The following ACHE variants were observed in gnomAD, a reference collection of about 807,000 sequenced individuals.
The protein encoded by ACHE is acetylcholinesterase.
In ACHE, 19 loss-of-function variants were observed where a neutral mutation model predicts 53.9. The ratio of observed to expected loss-of-function variants is 0.35; its 90% CI spans 0.25 to 0.52. The LOEUF (loss-of-function observed/expected upper bound fraction) is 0.52. Ranked by LOEUF, ACHE falls within the 20% of genes least tolerant of loss-of-function variation. ACHE has a pLI of 0.95. For synonymous variants in ACHE, 392 were observed against 378.1 expected, an observed-to-expected ratio of 1.04 and a Z score of -0.43; for missense variants, 605 against 849.4, an observed-to-expected ratio of 0.71 and a Z score of 3.58.
At chr7:100,893,055 G>A in intron 2 of ACHE, 110 bp downstream of exon 2, 4 of 1,325,456 alleles carry the variant, frequency 3.0e-6, no homozygotes, top group Non-Finnish European at 4.2e-6. Flanking sequence ...GGACTTCTGG[G>A]ACTTCTGGGA....
chr7:100,890,452 T>G, intron 4 of ACHE, 117 bp from the exon 5 acceptor site: 1 of 1,475,530 alleles, frequency 6.8e-7, no homozygotes, highest in Non-Finnish European at 9.0e-7. Flanking sequence ...CACGGAGAAA[T>G]GCAGGCGACC....
At position 100,892,730 on chromosome 7, in the gene ACHE, C is replaced by T. The variant is rs775874742; in HGVS notation, c.1157G>A (p.Ser386Asn). ...CACCCCGGCCAGGAACTCGGCCCGGCTGATGAGAGACTCGTTGTCTTTGCT... is the reference window on the plus strand; with the variant it reads ...CACCCCGGCCAGGAACTCGGCCCGGTTGATGAGAGACTCGTTGTCTTTGCT... ...GFSKDNESLI[S>N]RAEFLAGVRV... The change falls in exon 3 of 5, where the codon AGC becomes AAC. Residue 386 changes from serine (S) to asparagine (N), a missense_variant. Ser to Asn is a conservative substitution (Grantham distance 46, BLOSUM62 1). This residue lies in a region of ACHE where 397 missense variants were observed against 632.5 expected (regional missense o/e 0.63). Coordinates refer to ENST00000241069, the MANE Select transcript of ACHE (RefSeq NM_000665.5). This position sits in a 1 kb window ranked among gnomAD's most constrained non-coding sequence, Gnocchi z 5.2. 1.2e-5 allele frequency: 20 copies of T among 1,613,408 alleles called. No individual in the cohort carries two copies. In the East Asian group the frequency reaches 4.5e-4, roughly 36 times the overall value.
rs1166958589 is a variant in ACHE, at chr7:100,890,195, C to A, written c.*19G>T. On this transcript the variant is annotated 3_prime_UTR_variant, in exon 5 of 5. Transcript: ENST00000241069. ...CTAGGGGGCCGGGCGGAGCGGAGGA[C>A]ATGGGGGTCCCGCCGGGGTCACAGG... The A allele has an allele frequency of 6.2e-7, 1 of 1,613,416 alleles. No homozygotes were observed. The highest frequency in any genetic ancestry group is 8.5e-7 in the Non-Finnish European group (1 of 1,179,548).
chr7:100,891,287 C>G lies in ACHE; in HGVS notation c.1605G>C (p.Thr535=). The G allele has an allele frequency of 6.2e-7, 1 of 1,604,118 alleles. No homozygotes were observed. Reference sequence around the variant, plus strand: ...GACTAACGTACTGCTGAGCCCCCGCCGTGTACGGGGGCCATTGTGGGGCCT... The same window carrying G: ...GACTAACGTACTGCTGAGCCCCCGCGGTGTACGGGGGCCATTGTGGGGCCT... ...DPKAPQWPPY[T]AGAQQYVSLD... is the part of the protein sequence containing the mutation. Residue 535 remains threonine (T), a synonymous_variant, in exon 4 of 5, where the codon ACG becomes ACC. Coordinates refer to ENST00000241069, the MANE Select transcript of ACHE (RefSeq NM_000665.5).
chr7:100,890,217 C>T lies in ACHE; in HGVS notation c.1842G>A (p.Leu614=). ...GGACATGGGGGTCCCGCCGGGGTCA[C>T]AGGTCTGAGCAGCGATCCTGCTTGC... ...HYSKQDRCSD[L] The change falls in exon 5 of 5, where the codon CTG becomes CTA. Residue 614 remains leucine, a synonymous_variant. Coordinates refer to ENST00000241069, the MANE Select transcript of ACHE (RefSeq NM_000665.5). The T allele has an allele frequency of 6.2e-7, 1 of 1,613,776 alleles. No homozygotes were observed. The highest frequency in any genetic ancestry group is 8.5e-7 in the Non-Finnish European group (1 of 1,179,746).
intron 1 of ACHE, 46 bp downstream of exon 1, chr7:100,895,756 C>G (rs1791007299): frequency 6.6e-6 from 1 of 152,134 alleles, no homozygotes; most frequent in Non-Finnish European, 1.5e-5. Context: ...CACGGTGCCC[C>G]GGACCCGGGC....
At position 100,892,753 on chromosome 7, in the gene ACHE, G is replaced by A. The variant is rs1271205248; in HGVS notation, c.1134C>T (p.Ser378=). The A allele has an allele frequency of 6.2e-6, 10 of 1,611,422 alleles. No homozygotes were observed. The highest frequency in any genetic ancestry group is 8.5e-6 in the Non-Finnish European group (10 of 1,179,556). ...GGCTGATGAGAGACTCGTTGTCTTT[G>A]CTGAAGCCTGGGGCCCCGTAAACCA... ...YFLVYGAPGF[S]KDNESLISRA... is the part of the protein sequence containing the mutation. The change falls in exon 3 of 5, where the codon AGC becomes AGT. Residue 378 remains serine (S), a synonymous_variant. Transcript: ENST00000241069. This position sits in a 1 kb window ranked among gnomAD's most constrained non-coding sequence, Gnocchi z 5.2.
At chr7:100,896,040 C>T (rs1791026707), upstream of ACHE, 1 of 151,692 alleles carries the variant, frequency 6.6e-6, no homozygotes, top group Non-Finnish European at 1.5e-5. Context: ...GACCCGGAGA[C>T]CCCGGGGCCC....
chr7:100,893,740 C>T lies in ACHE; in HGVS notation c.493G>A (p.Asp165Asn), dbSNP rs144426398. The T allele has an allele frequency of 1.7e-5, 28 of 1,613,574 alleles. No homozygotes were observed. Among genetic ancestry groups the T allele is most frequent in the Non-Finnish European group, 2.1e-5 (25 of 1,180,034 alleles). Residue 165 changes from aspartate (D) to asparagine (N), a missense_variant, in exon 2 of 5, where the codon GAT becomes AAT. By Grantham distance (23) the Asp-to-Asn change is conservative. This residue lies in a region of ACHE where 397 missense variants were observed against 632.5 expected (regional missense o/e 0.63). Coordinates refer to ENST00000241069, the MANE Select transcript of ACHE (RefSeq NM_000665.5). Reference protein sequence around the residue: ...YSGASSLDVYDGRFLVQAERT... With the variant: ...YSGASSLDVYNGRFLVQAERT... ...TCGGCCTGTACCAAGAAGCGGCCAT[C>T]GTACACGTCCAAGGAGGAGGCCCCA...
At chr7:100,894,899 C>T (rs1790950307) in intron 1 of ACHE, among the ~76,000 whole-genome samples, 1 of 152,154 alleles carries the variant, frequency 6.6e-6, no homozygotes, top group Non-Finnish European at 1.5e-5. Context: ...GCTCGCCAGC[C>T]CGCGTCCCCC....
At position 100,890,184 on chromosome 7, in the gene ACHE, G is replaced by A. The variant is rs1467543922; in HGVS notation, c.*30C>T. On this transcript the variant is annotated 3_prime_UTR_variant, in exon 5 of 5. Coordinates refer to ENST00000241069, the MANE Select transcript of ACHE (RefSeq NM_000665.5). ...AGTATATACAGCTAGGGGGCCGGGC[G>A]GAGCGGAGGACATGGGGGTCCCGCC... is the stretch of plus-strand genomic sequence containing the variant. 2 of 1,612,498 alleles carry A rather than the reference G, an allele frequency of 1.2e-6. No individual in the cohort carries two copies. The highest frequency in any genetic ancestry group is 1.3e-5 in the African/African-American group (1 of 74,914).
rs1449188233 is a variant in ACHE, at chr7:100,890,779, T to TG, written c.1723+389dup. 3.2e-5 allele frequency: 44 copies of TG among 1,355,682 alleles called. No individual in the cohort carries two copies. The South Asian group carries it at 4.3e-4, about 13-fold the overall frequency. 84.0% of individuals were successfully genotyped at this position (1,355,682 alleles called of 1,614,324 possible). A position where few individuals can be genotyped will look rare whatever the true frequency, so the allele number is the denominator to read the frequency against. Reference sequence around the variant, plus strand: ...CATTTCCATTCAAACAACAAAGGCGTGGGGGTCCCTGAGAAGGGTGGGAGG... The same window carrying TG: ...CATTTCCATTCAAACAACAAAGGCGTGGGGGGTCCCTGAGAAGGGTGGGAGG... On this transcript the variant is annotated intron_variant, in intron 4 of 4. Transcript: ENST00000241069.
upstream of ACHE, chr7:100,896,760 C>T (rs927140458): frequency 9.5e-6 from 3 of 316,830 alleles, no homozygotes; most frequent in Admixed American, 3.5e-5. Context: ...CAGGTGGGAG[C>T]GGCCTGGCTC....
At position 100,891,290 on chromosome 7, in the gene ACHE, G is replaced by A; in HGVS notation, c.1602C>T (p.Tyr534=). 2.5e-6 allele frequency: 4 copies of A among 1,601,804 alleles called. No homozygotes were observed. The highest frequency in any genetic ancestry group is 1.1e-5 in the South Asian group (1 of 90,508). Residue 534 remains tyrosine (Y), a synonymous_variant, in exon 4 of 5, where the codon TAC becomes TAT. Coordinates refer to ENST00000241069, the MANE Select transcript of ACHE (RefSeq NM_000665.5). ...TAACGTACTGCTGAGCCCCCGCCGT[G>A]TACGGGGGCCATTGTGGGGCCTTGG... is the stretch of plus-strand genomic sequence containing the variant. ...RDPKAPQWPP[Y]TAGAQQYVSL...
chr7:100,890,660 A>G (rs760832708), intron 4 of ACHE: 199 of 1,366,348 alleles, frequency 1.5e-4, no homozygotes, highest in Middle Eastern at 8.2e-4. Flanking sequence ...TATAGCCCCA[A>G]TGGGGGGTGC....
chr7:100,894,638 G>A (rs1790930382), intron 1 of ACHE, among the ~76,000 whole-genome samples: 1 of 137,686 alleles, frequency 7.3e-6, no homozygotes, highest in Admixed American at 7.4e-5. Context: ...CGGACGGGCA[G>A]CGCCGCTGGG....
In ACHE at chr7:100,893,162, T is replaced by C; in HGVS notation, c.1068+3A>G. On this transcript the variant is annotated splice_donor_region_variant and intron_variant, in intron 2 of 4. Transcript: ENST00000241069. Reference sequence around the variant, plus strand: ...AGCTTCACGCCAGCTAGCCACTAGTTACCTGCAGGCCGTGGAAGTCTCCCG... The same window carrying C: ...AGCTTCACGCCAGCTAGCCACTAGTCACCTGCAGGCCGTGGAAGTCTCCCG... The C allele has an allele frequency of 1.2e-6, 2 of 1,613,588 alleles. No individual in the cohort carries two copies. Among genetic ancestry groups the C allele is most frequent in the Non-Finnish European group, 1.7e-6 (2 of 1,179,856 alleles).
rs747245266 is a variant in ACHE at position 100,893,474 on chromosome 7, G to A, written c.759C>T (p.Phe253=). The A allele has an allele frequency of 1.2e-6, 2 of 1,607,812 alleles. No homozygotes were observed. The highest frequency in any genetic ancestry group is 1.7e-6 in the Non-Finnish European group (2 of 1,179,680). The part of the protein sequence containing the change: ...HLLSPPSRGL[F]HRAVLQSGAP... The stretch of plus-strand genomic sequence containing the variant: ...CACCGCTCTGCAGCACGGCCCTGTG[G>A]AACAGGCCCCGGCTGGGCGGGGACA... Residue 253 remains phenylalanine, a synonymous_variant, in exon 2 of 5, where the codon TTC becomes TTT. Coordinates refer to ENST00000241069, the MANE Select transcript of ACHE (RefSeq NM_000665.5).
At position 100,892,279 on chromosome 7, in the gene ACHE, C is replaced by T. The variant is rs1790745869; in HGVS notation, c.1553+55G>A. The T allele has an allele frequency of 6.8e-7, 1 of 1,471,380 alleles. No individual in the cohort carries two copies. The allele number at this position is 1,471,380 out of a possible 1,614,324, so 91.1% of individuals were successfully genotyped here. On this transcript the variant is annotated intron_variant, in intron 3 of 4. Transcript: ENST00000241069. The surrounding 1 kb of genome is among the most constrained non-coding windows in gnomAD (Gnocchi z 5.2). ...TCTCCGTGTGTCTGCCTTTGTGTGT[C>T]CTCCCGCCCCCGACTCCTGTCCTCC...
Sources: allele counts gnomAD v4.1 joint callset (sites outside exome capture counted in the v4.1 genomes callset), GRCh38; gene constraint gnomAD v4.1.1; regional missense constraint gnomAD v4.1.1; non-coding constraint Gnocchi (gnomAD v3.1); transcripts MANE v1.5; gene names NCBI Gene and HGNC (gene_info 2026-07-23, HGNC 2026-07-21).